Variants in GPC5 observed in about 807,000 individuals in gnomAD.
The protein encoded by GPC5 is glypican-5.
GPC5 carries 47 observed loss-of-function variants against 53.9 expected under a neutral mutation model. The ratio of observed to expected loss-of-function variants is 0.87; its 90% confidence interval spans 0.69 to 1.11. GPC5 has a LOEUF of 1.11. GPC5 is among the 50% of genes most tolerant of loss of function. The pLI, the probability that GPC5 is intolerant of heterozygous loss-of-function variation, is 0.00. For synonymous variants in GPC5, 286 were observed against 263.3 expected, an observed-to-expected ratio of 1.09 and a Z score of -0.84; for missense variants, 748 against 713.1, an observed-to-expected ratio of 1.05 and a Z score of -0.56.
chr13:91,980,001 T>C (rs943856067), intron 6 of GPC5, among the ~76,000 whole-genome samples: 2 of 152,130 alleles, frequency 1.3e-5, no homozygotes, highest in Non-Finnish European at 2.9e-5. Context: ...GTGGAGGAGA[T>C]GAAGCAGAGA....
intron 5 of GPC5, among the ~76,000 whole-genome samples, chr13:91,801,107 T>A (rs2038127251): frequency 6.6e-6 from 1 of 152,172 alleles, no homozygotes; most frequent in African/African-American, 2.4e-5. Flanking sequence ...GTGGGAAGAT[T>A]TTCATAGCCT....
At chr13:92,290,030 A>C (rs2042982563) in intron 7 of GPC5, among the ~76,000 whole-genome samples, 1 of 152,150 alleles carries the variant, frequency 6.6e-6, no homozygotes. Flanking sequence ...CACTATGCAC[A>C]CATCCAGTTT....
At chr13:92,235,641 C>A (rs999671392) in intron 7 of GPC5, among the ~76,000 whole-genome samples, 1 of 151,958 alleles carries the variant, frequency 6.6e-6, no homozygotes, top group African/African-American at 2.4e-5. Context: ...TGGAGAGAAA[C>A]GTCTTAAATG....
chr13:92,783,010 C>T (rs149285714), intron 7 of GPC5, among the ~76,000 whole-genome samples: 5 of 152,272 alleles, frequency 3.3e-5, no homozygotes, highest in African/African-American at 9.6e-5. Context: ...TATCTATAAA[C>T]TTCAATATTT....
intron 7 of GPC5, among the ~76,000 whole-genome samples, chr13:92,359,860 A>G (rs1214210607): frequency 6.6e-6 from 1 of 151,692 alleles, no homozygotes; most frequent in Admixed American, 6.6e-5. Context: ...AAAACTTGGG[A>G]TTAAAATTTG....
At chr13:92,000,238 T>C (rs535626417) in intron 6 of GPC5, among the ~76,000 whole-genome samples, 5 of 151,162 alleles carry the variant, frequency 3.3e-5, no homozygotes, top group African/African-American at 1.2e-4. Flanking sequence ...TCCGAGACAC[T>C]GAGCACAAAC....
At chr13:92,841,298 A>T (rs574871492) in intron 7 of GPC5, among the ~76,000 whole-genome samples, 1 of 152,244 alleles carries the variant, frequency 6.6e-6, no homozygotes, top group East Asian at 1.9e-4. Context: ...CCTAGTTTTA[A>T]ATTCAGCAAT....
chr13:92,769,351 T>C (rs545748209), intron 7 of GPC5, among the ~76,000 whole-genome samples: 2 of 152,204 alleles, frequency 1.3e-5, no homozygotes, highest in South Asian at 4.1e-4. Context: ...TACTGCAATG[T>C]CATTTGTCTT....
intron 2 of GPC5, among the ~76,000 whole-genome samples, chr13:91,609,265 G>T (rs1165002296): frequency 6.6e-6 from 1 of 151,846 alleles, no homozygotes; most frequent in Non-Finnish European, 1.5e-5. Context: ...TGAGAGCCGG[G>T]AGTGGTGGGA....
At chr13:92,122,080 A>G (rs575097633) in intron 6 of GPC5, among the ~76,000 whole-genome samples, 3 of 152,300 alleles carry the variant, frequency 2.0e-5, no homozygotes, top group Non-Finnish European at 2.9e-5. Flanking sequence ...CAAACATCAC[A>G]TGGTATACCG....
rs1203102149 is a variant in GPC5, at chr13:91,882,651, T to A, written c.1281-25286T>A. 3.4e-5 allele frequency among the ~76,000 whole-genome samples: 5 copies of A among 146,986 alleles called. No individual in the cohort carries two copies. In the East Asian group the frequency reaches 1.0e-3, roughly 30 times the overall value. On this transcript the variant is annotated intron_variant, in intron 5 of 7. Coordinates refer to ENST00000377067, the MANE Select transcript of GPC5 (RefSeq NM_004466.6). ...TTTTTTTCTTTTCAGCTGAGGTTTT[T>A]TGTTTGTTTGTTTTTTGGGTTTTTT...
intron 6 of GPC5, among the ~76,000 whole-genome samples, chr13:91,979,251 C>G (rs1477115700): frequency 6.6e-6 from 1 of 151,928 alleles, no homozygotes; most frequent in Non-Finnish European, 1.5e-5. Context: ...TCATTAACAT[C>G]ACGGAGGTAT....
chr13:92,710,880 G>T (rs1888113616), intron 7 of GPC5, among the ~76,000 whole-genome samples: 2 of 152,148 alleles, frequency 1.3e-5, no homozygotes, highest in African/African-American at 4.8e-5. Flanking sequence ...TGACAATGAT[G>T]AATTTGTTGA....
chr13:92,467,210 A>G (rs559942179), intron 7 of GPC5, among the ~76,000 whole-genome samples: 84 of 152,104 alleles, frequency 5.5e-4, no homozygotes, highest in Non-Finnish European at 1.0e-3. Flanking sequence ...GAAATATTTC[A>G]CCTTTTTCTT....
chr13:92,144,971 A>G lies in GPC5; in HGVS notation c.1543A>G (p.Thr515Ala), dbSNP rs1161949024. 2 of 1,532,000 alleles carry G rather than the reference A, an allele frequency of 1.3e-6. No individual in the cohort carries two copies. The allele number at this position is 1,532,000 out of a possible 1,614,324, so 94.9% of individuals were successfully genotyped here. A position where few individuals can be genotyped will look rare whatever the true frequency, so the allele number is the denominator to read the frequency against. ...GGSGSGEVKRTLKITDWMPDD... is the reference protein window; with the variant it reads ...GGSGSGEVKRALKITDWMPDD... ...ATCAGGAAGTGGAGAAGTCAAGAGG[A>G]CACTGAAGATCACAGACTGTAAGTG... Residue 515 changes from threonine (T) to alanine (A), a missense_variant, in exon 7 of 8, where the codon ACA becomes GCA. Thr to Ala is a moderately conservative substitution (Grantham distance 58, BLOSUM62 0). Coordinates refer to ENST00000377067, the MANE Select transcript of GPC5 (RefSeq NM_004466.6).
At chr13:92,559,036 C>G (rs1183978948) in intron 7 of GPC5, among the ~76,000 whole-genome samples, 4 of 151,946 alleles carry the variant, frequency 2.6e-5, no homozygotes, top group Admixed American at 1.3e-4. Context: ...GTCTAAAAGA[C>G]TAGGACCTCC....
chr13:92,021,770 A>T (rs1028159967), intron 6 of GPC5, among the ~76,000 whole-genome samples: 2 of 152,186 alleles, frequency 1.3e-5, no homozygotes, highest in African/African-American at 4.8e-5. Flanking sequence ...GTTTGTATAA[A>T]TCCATATAAA....
intron 7 of GPC5, among the ~76,000 whole-genome samples, chr13:92,765,238 A>G (rs1875355060): frequency 6.6e-6 from 1 of 152,114 alleles, no homozygotes; most frequent in Admixed American, 6.5e-5. Context: ...GGCCAGATGC[A>G]TGTTGCATAC....
chr13:92,009,636 T>C (rs183118042), intron 6 of GPC5, among the ~76,000 whole-genome samples: 6 of 152,292 alleles, frequency 3.9e-5, no homozygotes, highest in Non-Finnish European at 7.4e-5. Flanking sequence ...GTTTTTCTCC[T>C]TGTAGCTTTC....
Sources: gnomAD v4.1 joint callset for allele counts (sites outside exome capture counted in the v4.1 genomes callset) on GRCh38, gnomAD v4.1.1 for gene constraint, MANE v1.5 for transcripts, NCBI Gene and HGNC (gene_info 2026-07-23, HGNC 2026-07-21) for gene names.